OTUD7A: variants seen among roughly 807,000 people sequenced by gnomAD.
OTUD7A encodes OTU domain-containing protein 7A.
OTUD7A carries 12 observed loss-of-function variants against 65.7 expected under a neutral mutation model. That is an observed-to-expected ratio of 0.18 (90% CI 0.12 to 0.30). OTUD7A has a LOEUF of 0.30. OTUD7A is among the 10% of genes least tolerant of loss of function. The pLI is 1.00. For missense variants in OTUD7A, 1,148 were observed against 1,304.8 expected, an observed-to-expected ratio of 0.88 and a Z score of 1.85; for synonymous variants, 641 against 586.3, an observed-to-expected ratio of 1.09 and a Z score of -1.35.
At chr15:31,601,903 G>A (rs1017304522) in intron 3 of OTUD7A, among the ~76,000 whole-genome samples, 8 of 152,158 alleles carry the variant, frequency 5.3e-5, no homozygotes, top group Non-Finnish European at 1.2e-4. Context: ...GTCTAAGCCA[G>A]GAAGAAGTCA....
In OTUD7A at chr15:31,632,076, T is replaced by C. The variant is rs1300009847; in HGVS notation, c.151+23020A>G. On this transcript the variant is annotated intron_variant, in intron 3 of 12. Coordinates refer to ENST00000307050, the MANE Select transcript of OTUD7A (RefSeq NM_001382637.1). ...AGAGTAGTTTGATCGTCTGAAGCCT[T>C]CTTCTCTCAGCTCGTCAAAGTCATT... Among the ~76,000 whole-genome samples, 6 of 152,224 alleles carry C rather than the reference T, an allele frequency of 3.9e-5. No individual in the cohort carries two copies. The South Asian group carries it at 6.2e-4, about 16-fold the overall frequency.
chr15:31,820,477 G>A (rs187198114), intron 1 of OTUD7A, among the ~76,000 whole-genome samples: 14 of 152,176 alleles, frequency 9.2e-5, no homozygotes, highest in East Asian at 1.9e-4. Flanking sequence ...TGATGCAATC[G>A]TTATGGTCAA....
At chr15:31,748,057 A>G (rs1175243160) in intron 1 of OTUD7A, among the ~76,000 whole-genome samples, 1 of 152,216 alleles carries the variant, frequency 6.6e-6, no homozygotes, top group Non-Finnish European at 1.5e-5. Context: ...ATGACAATTA[A>G]GTGCAACCTA....
chr15:31,546,513 T>C (rs577635078), intron 5 of OTUD7A, among the ~76,000 whole-genome samples: 5 of 152,274 alleles, frequency 3.3e-5, no homozygotes, highest in African/African-American at 9.6e-5. Flanking sequence ...CCCCAAGGCA[T>C]GCACTGAAGA....
intron 3 of OTUD7A, among the ~76,000 whole-genome samples, chr15:31,625,023 A>G (rs896375508): frequency 6.6e-6 from 1 of 152,206 alleles, no homozygotes; most frequent in African/African-American, 2.4e-5. Flanking sequence ...TCCATGACAC[A>G]CTGTGGCTTC....
chr15:31,656,406 G>A (rs1301932533), intron 2 of OTUD7A, among the ~76,000 whole-genome samples: 1 of 152,164 alleles, frequency 6.6e-6, no homozygotes, highest in Non-Finnish European at 1.5e-5. Context: ...TGGGAACACA[G>A]CCATACCCAC....
intron 1 of OTUD7A, among the ~76,000 whole-genome samples, chr15:31,860,656 T>C (rs1179030502): frequency 3.6e-5 from 4 of 110,472 alleles, no homozygotes; most frequent in African/African-American, 9.3e-5. Flanking sequence ...TATGTATGTG[T>C]GTATATATAG....
At chr15:31,719,839 C>T (rs1361838364) in intron 1 of OTUD7A, among the ~76,000 whole-genome samples, 1 of 151,996 alleles carries the variant, frequency 6.6e-6, no homozygotes, top group Admixed American at 6.5e-5. Context: ...CCCTTTCTCC[C>T]CACCAGCACA....
chr15:31,839,051 G>T (rs759475834), intron 1 of OTUD7A, among the ~76,000 whole-genome samples: 1 of 152,242 alleles, frequency 6.6e-6, no homozygotes, highest in Non-Finnish European at 1.5e-5. Context: ...CCCAGCCCCT[G>T]CTCCATGGCA....
chr15:31,789,403 T>C (rs549716932), intron 1 of OTUD7A, among the ~76,000 whole-genome samples: 1 of 152,328 alleles, frequency 6.6e-6, no homozygotes, highest in East Asian at 1.9e-4. Flanking sequence ...TTTCTAATAC[T>C]AAAGGTTAAT....
At chr15:31,746,417 A>G (rs1894478843) in intron 1 of OTUD7A, among the ~76,000 whole-genome samples, 1 of 152,198 alleles carries the variant, frequency 6.6e-6, no homozygotes, top group African/African-American at 2.4e-5. Flanking sequence ...ATGATAAAAA[A>G]AGAACGACAT....
chr15:31,495,998 G>A (rs2041377665), intron 10 of OTUD7A, among the ~76,000 whole-genome samples: 1 of 150,742 alleles, frequency 6.6e-6, no homozygotes, highest in African/African-American at 2.4e-5. Flanking sequence ...CCTGGGAGGT[G>A]GAGGTTGCAA....
At chr15:31,593,550 G>A (rs940108121) in intron 3 of OTUD7A, among the ~76,000 whole-genome samples, 5 of 151,948 alleles carry the variant, frequency 3.3e-5, no homozygotes, top group East Asian at 1.9e-4. Flanking sequence ...AATTTGGGGC[G>A]GGCAGACTTT....
At chr15:31,853,199 T>G (rs758991553) in intron 1 of OTUD7A, among the ~76,000 whole-genome samples, 3 of 152,194 alleles carry the variant, frequency 2.0e-5, no homozygotes, top group Non-Finnish European at 4.4e-5. Context: ...TCAGCATCCG[T>G]GCAAAACAGT....
chr15:31,811,712 T>A (rs1896421548), intron 1 of OTUD7A, among the ~76,000 whole-genome samples: 1 of 152,118 alleles, frequency 6.6e-6, no homozygotes, highest in Admixed American at 6.5e-5. Context: ...TGCCTCACCA[T>A]CCTCACTCTG....
At chr15:31,620,566 T>C (rs1308979996) in intron 3 of OTUD7A, among the ~76,000 whole-genome samples, 3 of 150,412 alleles carry the variant, frequency 2.0e-5, no homozygotes, top group Admixed American at 1.3e-4. Context: ...GAGGTGTTTA[T>C]AGTATTCTCT....
At chr15:31,615,590 G>A (rs575722962) in intron 3 of OTUD7A, among the ~76,000 whole-genome samples, 2 of 152,282 alleles carry the variant, frequency 1.3e-5, no homozygotes, top group Admixed American at 6.5e-5. Context: ...TGAAAAATAC[G>A]ATCCAATTAA....
intron 1 of OTUD7A, among the ~76,000 whole-genome samples, chr15:31,722,175 C>A (rs1170279624): frequency 6.6e-6 from 1 of 152,176 alleles, no homozygotes; most frequent in African/African-American, 2.4e-5. Flanking sequence ...CCTCTGAGGT[C>A]AAGGGAATCT....
At chr15:31,867,916 CG>C (rs940649183) in intron 1 of OTUD7A, among the ~76,000 whole-genome samples, 8 of 99,178 alleles carry the variant, frequency 8.1e-5, no homozygotes, top group African/African-American at 1.9e-4. Context: ...GGGGGAGGGG[CG>C]GGGGGCGGGG....
Sources: gnomAD v4.1 joint callset for allele counts (sites outside exome capture counted in the v4.1 genomes callset) on GRCh38, gnomAD v4.1.1 for gene constraint, MANE v1.5 for transcripts, NCBI Gene and HGNC (gene_info 2026-07-23, HGNC 2026-07-21) for gene names.